ARHGEF33: variants seen among roughly 807,000 people sequenced by gnomAD.
The protein encoded by ARHGEF33 is DH and coiled-coil domain-containing protein ENSP00000381780.
In ARHGEF33, 72 loss-of-function variants were observed where a neutral mutation model predicts 101.9. That is an observed-to-expected ratio of 0.71 (90% confidence interval 0.58 to 0.86). The LOEUF (loss-of-function observed/expected upper bound fraction) is 0.86, where lower values mean the gene tolerates loss of function less well. Among genes scored for constraint, ARHGEF33 ranks in the 40% least tolerant of loss-of-function variants. The pLI, the probability that ARHGEF33 is intolerant of heterozygous loss-of-function variation, is 0.00. For synonymous variants in ARHGEF33, 499 were observed against 442.5 expected, an observed-to-expected ratio of 1.13 and a Z score of -1.60; for missense variants, 1,169 against 1,111.3, an observed-to-expected ratio of 1.05 and a Z score of -0.74.
At chr2:38,937,999 A>C (rs1008420533) in intron 9 of ARHGEF33, among the ~76,000 whole-genome samples, 1 of 152,224 alleles carries the variant, frequency 6.6e-6, no homozygotes, top group African/African-American at 2.4e-5. Flanking sequence ...ACTGTGTCAG[A>C]CAATGGCATT....
intron 2 of ARHGEF33, among the ~76,000 whole-genome samples, chr2:38,902,129 C>A (rs1162045945): frequency 2.2e-5 from 3 of 139,360 alleles, no homozygotes; most frequent in Admixed American, 1.5e-4. Flanking sequence ...AAGACTCCAT[C>A]TCAAGAAAAA....
intron 9 of ARHGEF33, among the ~76,000 whole-genome samples, chr2:38,939,165 G>A (rs1327899792): frequency 2.0e-5 from 3 of 152,116 alleles, no homozygotes; most frequent in Admixed American, 2.0e-4. Flanking sequence ...TAGAGACAGG[G>A]TTTTCACTGT....
intron 10 of ARHGEF33, among the ~76,000 whole-genome samples, chr2:38,950,388 G>A (rs568000123): frequency 6.6e-5 from 10 of 152,266 alleles, no homozygotes; most frequent in East Asian, 3.9e-4. Context: ...TTTCCACTGC[G>A]TGTCATTTAA....
chr2:38,952,790 C>G (rs1216536230), intron 11 of ARHGEF33, among the ~76,000 whole-genome samples: 1 of 152,064 alleles, frequency 6.6e-6, no homozygotes, highest in Non-Finnish European at 1.5e-5. Flanking sequence ...GCTCTGCCTC[C>G]CGGGTTCATG....
intron 11 of ARHGEF33, among the ~76,000 whole-genome samples, chr2:38,951,789 C>T (rs1667613897): frequency 2.0e-5 from 3 of 152,084 alleles, no homozygotes; most frequent in Non-Finnish European, 4.4e-5. Flanking sequence ...TGTATTTTCA[C>T]ACACAATTTT....
rs2124436868 is a variant in ARHGEF33 at position 38,974,343 on chromosome 2, AC to A, written c.*501del. On this transcript the variant is annotated 3_prime_UTR_variant, in exon 18 of 18. Coordinates refer to ENST00000409978, the MANE Select transcript of ARHGEF33 (RefSeq NM_001145451.5). The stretch of plus-strand genomic sequence containing the variant: ...TCCAAAAACCCTAAGGCAATATCTA[AC>A]ATCCCTTAAGGCAAAGGATTAATTA... 6.6e-6 allele frequency: 1 copy of A among 152,324 alleles called. No individual in the cohort carries two copies. Among genetic ancestry groups the A allele is most frequent in the South Asian group, 2.1e-4 (1 of 4,820 alleles). 9.4% of individuals were successfully genotyped at this position (152,324 alleles called of 1,614,324 possible).
chr2:38,914,078 C>G (rs559599484), intron 2 of ARHGEF33, among the ~76,000 whole-genome samples: 1 of 152,258 alleles, frequency 6.6e-6, no homozygotes, highest in South Asian at 2.1e-4. Flanking sequence ...ATCTGACCAA[C>G]AAGAACTAAA....
intron 10 of ARHGEF33, among the ~76,000 whole-genome samples, chr2:38,947,178 A>C (rs1314302289): frequency 6.6e-6 from 1 of 152,210 alleles, no homozygotes; most frequent in Non-Finnish European, 1.5e-5. Context: ...CTCCACTGCA[A>C]GTACAACTTG....
At chr2:38,896,264 G>A (rs1666120667) in intron 2 of ARHGEF33, among the ~76,000 whole-genome samples, 1 of 152,026 alleles carries the variant, frequency 6.6e-6, no homozygotes, top group African/African-American at 2.4e-5. Flanking sequence ...TCAGCCTCCC[G>A]AGTAGCTGGG....
At chr2:38,926,353 G>A (rs191280256) in intron 4 of ARHGEF33, among the ~76,000 whole-genome samples, 5 of 152,306 alleles carry the variant, frequency 3.3e-5, no homozygotes, top group African/African-American at 9.6e-5. Flanking sequence ...TGTTAAGATC[G>A]TGTCTTCACA....
At chr2:38,931,003 A>C in intron 6 of ARHGEF33, 106 bp from the exon 7 acceptor site, 1 of 868,482 alleles carries the variant, frequency 1.2e-6, no homozygotes, top group Non-Finnish European at 1.7e-6. Flanking sequence ...TATATAGTTC[A>C]ACCTAATAAT....
chr2:38,899,513 A>G (rs1044271445), intron 2 of ARHGEF33, among the ~76,000 whole-genome samples: 7 of 152,092 alleles, frequency 4.6e-5, no homozygotes, highest in African/African-American at 7.2e-5. Flanking sequence ...AAACTCATGG[A>G]AGTCAAGAGT....
intron 1 of ARHGEF33, among the ~76,000 whole-genome samples, chr2:38,891,015 C>G (rs1355881983): frequency 3.4e-5 from 5 of 148,978 alleles, no homozygotes; most frequent in African/African-American, 4.9e-5. Flanking sequence ...CAAGGTCTCA[C>G]TTTGTCACCT....
At chr2:38,905,392 AT>A (rs1666366959) in intron 2 of ARHGEF33, among the ~76,000 whole-genome samples, 1 of 152,212 alleles carries the variant, frequency 6.6e-6, no homozygotes, top group African/African-American at 2.4e-5. Context: ...AAGGGAGGCC[AT>A]TGGTTGTGAT....
At chr2:38,930,278 G>A (rs985409510) in intron 6 of ARHGEF33, among the ~76,000 whole-genome samples, 4 of 151,992 alleles carry the variant, frequency 2.6e-5, no homozygotes, top group Admixed American at 1.3e-4. Flanking sequence ...GTTGAATCAA[G>A]TAAAGTTTCA....
At chr2:38,894,778 C>G (rs1257178455) in intron 1 of ARHGEF33, among the ~76,000 whole-genome samples, 1 of 152,156 alleles carries the variant, frequency 6.6e-6, no homozygotes, top group Non-Finnish European at 1.5e-5. Context: ...CATGGTTACA[C>G]TTAGCTGTGA....
chr2:38,961,682 A>T (rs1667943135), intron 16 of ARHGEF33, among the ~76,000 whole-genome samples: 1 of 152,116 alleles, frequency 6.6e-6, no homozygotes, highest in Non-Finnish European at 1.5e-5. Context: ...TTCAGAAATA[A>T]ACCAGTCTCT....
intron 2 of ARHGEF33, among the ~76,000 whole-genome samples, chr2:38,909,324 A>C (rs922910422): frequency 6.6e-6 from 1 of 151,824 alleles, no homozygotes; most frequent in Non-Finnish European, 1.5e-5. Flanking sequence ...TATTTCATTA[A>C]AAAAAATTTT....
Position 38,960,364 on chromosome 2 carries a change from A to G in ARHGEF33, c.2059A>G (p.Ser687Gly), listed in dbSNP as rs1291670086. ...GAGCGCTACGTCGCCGGCGGGCAGC[A>G]GCAGCGCCTACAAACTGGAGGCGGC... ...PKSATSPAGS[S>G]SAYKLEAAAQ... Residue 687 changes from serine to glycine, a missense_variant, in exon 16 of 18, where the codon AGC becomes GGC. By Grantham distance (56) the Ser-to-Gly change is moderately conservative (BLOSUM62 0). Coordinates refer to ENST00000409978, the MANE Select transcript of ARHGEF33 (RefSeq NM_001145451.5). 1 of 1,528,362 alleles carries G rather than the reference A, an allele frequency of 6.5e-7. No homozygotes were observed. The highest frequency in any genetic ancestry group is 2.5e-5 in the East Asian group (1 of 40,466). The allele number at this position is 1,528,362 out of a possible 1,614,324, so 94.7% of individuals were successfully genotyped here.
Sources: allele counts gnomAD v4.1 joint callset (sites outside exome capture counted in the v4.1 genomes callset), GRCh38; gene constraint gnomAD v4.1.1; transcripts MANE v1.5; gene names NCBI Gene and HGNC (gene_info 2026-07-23, HGNC 2026-07-21).